The following OR10A5 variants were observed in gnomAD, a reference collection of about 807,000 sequenced individuals.
OR10A5 encodes the protein olfactory receptor family 10 subfamily A member 5.
OR10A5 carries 7 observed loss-of-function variants against 6.0 expected under a neutral mutation model. The observed-to-expected ratio is 1.17, with a 90% CI of 0.66 to 2.20. The LOEUF is 2.20. OR10A5 is among the 30% of genes most tolerant of loss of function. The pLI is 0.00. For missense variants in OR10A5, 369 were observed against 378.1 expected (o/e 0.98, Z 0.20); for synonymous variants, 149 against 148.8 (o/e 1.00, Z -0.01).
In OR10A5 at chr11:6,846,023, T is replaced by A. The variant is rs1324056793; in HGVS notation, c.341T>A (p.Phe114Tyr). ...TTCTTCTTTGGGGTAGCTGAATGCT[T>A]CCTCCTGGCTACCATGGCATATGAC... is the stretch of plus-strand genomic sequence containing the variant. ...FFFFFGVAEC[F>Y]LLATMAYDRY... is the part of the protein sequence containing the mutation. Residue 114 changes from phenylalanine (F) to tyrosine (Y), a missense_variant, in exon 1 of 1, where the codon TTC becomes TAC. Physicochemically the swap from Phe to Tyr is conservative, Grantham distance 22. Coordinates refer to ENST00000299454, the MANE Select transcript of OR10A5 (RefSeq NM_178168.1). The A allele has an allele frequency of 6.2e-7, 1 of 1,614,172 alleles. No homozygotes were observed. Among genetic ancestry groups the A allele is most frequent in the Admixed American group, 1.7e-5 (1 of 60,018 alleles).
Position 6,846,151 on chromosome 11 carries a change from G to A in OR10A5, c.469G>A (p.Ala157Thr). 6.2e-7 allele frequency: 1 copy of A among 1,614,196 alleles called. No individual in the cohort carries two copies. The highest frequency in any genetic ancestry group is 8.5e-7 in the Non-Finnish European group (1 of 1,180,030). Residue 157 changes from alanine (A) to threonine (T), a missense_variant, in exon 1 of 1, where the codon GCT (alanine) becomes ACT (threonine). Transcript: ENST00000299454. ...AASWFPGFPVATVQTTWLFSF... is the reference protein window; with the variant it reads ...AASWFPGFPVTTVQTTWLFSF... The stretch of plus-strand genomic sequence containing the variant: ...TTCCTGGTTCCCAGGCTTTCCTGTA[G>A]CTACTGTGCAGACCACATGGCTCTT...
rs780836165 is a variant in OR10A5 at position 6,845,923 on chromosome 11, A to C, written c.241A>C (p.Lys81Gln). The stretch of plus-strand genomic sequence containing the variant: ...TGGCTTCAACCTAGTCATTGTGCCC[A>C]AAATGCTGGGGACCCTGCTTGCCCA... ...EIGFNLVIVP[K>Q]MLGTLLAQDT... Residue 81 changes from lysine (K) to glutamine (Q), a missense_variant, in exon 1 of 1, where the codon AAA becomes CAA. By Grantham distance (53) the Lys-to-Gln change is moderately conservative. Coordinates refer to ENST00000299454, the MANE Select transcript of OR10A5 (RefSeq NM_178168.1). The C allele has an allele frequency of 1.9e-6, 3 of 1,614,172 alleles. No homozygotes were observed. The East Asian group carries it at 6.7e-5, about 36-fold the overall frequency.
chr11:6,846,394 G>A lies in OR10A5; in HGVS notation c.712G>A (p.Ala238Thr). 1 of 1,614,148 alleles carries A rather than the reference G, an allele frequency of 6.2e-7. No homozygotes were observed. The highest frequency in any genetic ancestry group is 1.1e-5 in the South Asian group (1 of 91,060). Residue 238 changes from alanine to threonine, a missense_variant, in exon 1 of 1, where the codon GCC becomes ACC. Coordinates refer to ENST00000299454, the MANE Select transcript of OR10A5 (RefSeq NM_178168.1). Reference protein sequence around the residue: ...KIPSAKGKHKAFSTCSSHLLV... With the variant: ...KIPSAKGKHKTFSTCSSHLLV... Reference sequence around the variant, plus strand: ...CCCATCAGCTAAAGGGAAGCATAAAGCCTTCTCTACGTGCTCCTCACACCT... The same window carrying A: ...CCCATCAGCTAAAGGGAAGCATAAAACCTTCTCTACGTGCTCCTCACACCT...
chr11:6,846,346 A>T lies in OR10A5; in HGVS notation c.664A>T (p.Ile222Phe). 6.2e-7 allele frequency: 1 copy of T among 1,614,176 alleles called. No homozygotes were observed. Among genetic ancestry groups the T allele is most frequent in the Non-Finnish European group, 8.5e-7 (1 of 1,180,026 alleles). Residue 222 changes from isoleucine to phenylalanine, a missense_variant, in exon 1 of 1, where the codon ATT becomes TTT. Physicochemically the swap from Ile to Phe is conservative, Grantham distance 21. Transcript: ENST00000299454. ...CLLILCSYTR[I>F]AAAILKIPSA... is the part of the protein sequence containing the mutation. ...GCTGATCTTGTGTTCCTATACTCGC[A>T]TTGCTGCTGCTATCCTCAAGATCCC...
rs762681750 is a variant in OR10A5 at position 6,846,567 on chromosome 11, T to C, written c.885T>C (p.Asn295=). 2.2e-5 allele frequency: 35 copies of C among 1,613,896 alleles called. No individual in the cohort carries two copies. The highest frequency in any genetic ancestry group is 1.8e-4 in the East Asian group (8 of 44,888). The change falls in exon 1 of 1, where the codon AAT becomes AAC. Residue 295 remains asparagine (N), a synonymous_variant. Coordinates refer to ENST00000299454, the MANE Select transcript of OR10A5 (RefSeq NM_178168.1). ...MLNPIIYSLR[N]SEVKNALSRT... is the part of the protein sequence containing the mutation. ...ACCCCATTATCTACAGCTTGAGAAA[T>C]AGCGAGGTGAAGAATGCCCTCAGCA...
chr11:6,846,257 A>G lies in OR10A5; in HGVS notation c.575A>G (p.Asp192Gly). Residue 192 changes from aspartate (D) to glycine (G), a missense_variant, in exon 1 of 1, where the codon GAC becomes GGC. Coordinates refer to ENST00000299454, the MANE Select transcript of OR10A5 (RefSeq NM_178168.1). ...SPPVLKLVCADTALFEIYAIV... is the reference protein window; with the variant it reads ...SPPVLKLVCAGTALFEIYAIV... ...CCTGTGCTGAAGCTGGTCTGTGCAG[A>G]CACAGCACTGTTTGAGATCTACGCC... 1 of 1,614,210 alleles carries G rather than the reference A, an allele frequency of 6.2e-7. No individual in the cohort carries two copies. Among genetic ancestry groups the G allele is most frequent in the Non-Finnish European group, 8.5e-7 (1 of 1,180,024 alleles).
In OR10A5 at chr11:6,846,197, C is replaced by A; in HGVS notation, c.515C>A (p.Thr172Asn). Residue 172 changes from threonine to asparagine, a missense_variant, in exon 1 of 1, where the codon ACC becomes AAC. By Grantham distance (65) the Thr-to-Asn change is moderately conservative. Coordinates refer to ENST00000299454, the MANE Select transcript of OR10A5 (RefSeq NM_178168.1). ...CTCTTCAGTTTTCCATTCTGTGGCACCAACAAGGTGAACCACTTCTTCTGT... is the reference window on the plus strand; with the variant it reads ...CTCTTCAGTTTTCCATTCTGTGGCAACAACAAGGTGAACCACTTCTTCTGT... Reference protein sequence around the residue: ...TWLFSFPFCGTNKVNHFFCDS... With the variant: ...TWLFSFPFCGNNKVNHFFCDS... 3 of 1,614,136 alleles carry A rather than the reference C, an allele frequency of 1.9e-6. No homozygotes were observed. The highest frequency in any genetic ancestry group is 2.5e-6 in the Non-Finnish European group (3 of 1,180,010).
In OR10A5 at chr11:6,846,525, T is replaced by C; in HGVS notation, c.843T>C (p.Val281=). 1.2e-6 allele frequency: 2 copies of C among 1,613,940 alleles called. No individual in the cohort carries two copies. The highest frequency in any genetic ancestry group is 1.7e-6 in the Non-Finnish European group (2 of 1,179,794). Residue 281 remains valine (V), a synonymous_variant, in exon 1 of 1, where the codon GTT becomes GTC. Transcript: ENST00000299454. The part of the protein sequence containing the change: ...SKKLLSLSYT[V]VTPMLNPIIY... ...AGTTGTTATCATTATCCTACACTGT[T>C]GTGACTCCCATGTTGAACCCCATTA... is the stretch of plus-strand genomic sequence containing the variant.
chr11:6,846,079 T>C lies in OR10A5; in HGVS notation c.397T>C (p.Tyr133His). 6.2e-7 allele frequency: 1 copy of C among 1,614,222 alleles called. No homozygotes were observed. The highest frequency in any genetic ancestry group is 8.5e-7 in the Non-Finnish European group (1 of 1,180,030). Residue 133 changes from tyrosine to histidine, a missense_variant, in exon 1 of 1, where the codon TAC becomes CAC. By Grantham distance (83) the Tyr-to-His change is moderately conservative (BLOSUM62 2). Transcript: ENST00000299454. ...RYVAICSPLH[Y>H]PVIMNQRTRA... ...TGTGGCCATCTGCAGTCCCTTGCAC[T>C]ACCCAGTCATCATGAACCAAAGGAC...
In OR10A5 at chr11:6,845,881, T is replaced by C. The variant is rs935140090; in HGVS notation, c.199T>C (p.Leu67=). 1 of 1,614,054 alleles carries C rather than the reference T, an allele frequency of 6.2e-7. No homozygotes were observed. The highest frequency in any genetic ancestry group is 1.3e-5 in the African/African-American group (1 of 74,926). Residue 67 remains leucine, a synonymous_variant, in exon 1 of 1, where the codon TTA becomes CTA. Coordinates refer to ENST00000299454, the MANE Select transcript of OR10A5 (RefSeq NM_178168.1). ...CCCCATGTACTTCTTCCTCAGAAAC[T>C]TATCTTTCCTGGAGATTGGCTTCAA... ...HSPMYFFLRN[L]SFLEIGFNLV...
chr11:6,846,625 T>C lies in OR10A5; in HGVS notation c.943T>C (p.Cys315Arg). Residue 315 changes from cysteine (C) to arginine (R), a missense_variant, in exon 1 of 1, where the codon TGT becomes CGT. Coordinates refer to ENST00000299454, the MANE Select transcript of OR10A5 (RefSeq NM_178168.1). ...TFHKVLALRN[C>R]IP ...CCACAAGGTCCTAGCCCTCAGAAAC[T>C]GTATCCCATAGACCTTAGGAAGTAA... The C allele has an allele frequency of 6.3e-7, 1 of 1,578,744 alleles. No homozygotes were observed. The highest frequency in any genetic ancestry group is 8.6e-7 in the Non-Finnish European group (1 of 1,158,878).
rs752769708 is a variant in OR10A5, at chr11:6,845,734, T to C, written c.52T>C (p.Ser18Pro). 6 of 1,612,620 alleles carry C rather than the reference T, an allele frequency of 3.7e-6. No individual in the cohort carries two copies. The Admixed American group carries it at 1.0e-4, about 27-fold the overall frequency. ...AAGTGAATTTATCCTCATGAGCTTC[T>C]CTTCCCTACCTACTGAAATACAGTC... ...EISEFILMSF[S>P]SLPTEIQSLL... is the part of the protein sequence containing the mutation. Residue 18 changes from serine (S) to proline (P), a missense_variant, in exon 1 of 1, where the codon TCT (serine) becomes CCT (proline). Transcript: ENST00000299454.
rs150623430 is a variant in OR10A5, at chr11:6,846,024, C to T, written c.342C>T (p.Phe114=). The part of the protein sequence containing the change: ...FFFFFGVAEC[F]LLATMAYDRY... ...TCTTCTTTGGGGTAGCTGAATGCTT[C>T]CTCCTGGCTACCATGGCATATGACC... is the stretch of plus-strand genomic sequence containing the variant. Residue 114 remains phenylalanine (F), a synonymous_variant, in exon 1 of 1, where the codon TTC becomes TTT. Transcript: ENST00000299454. 471 of 1,614,192 alleles carry T rather than the reference C, an allele frequency of 2.9e-4. 4 individuals are homozygous for T. The Middle Eastern group carries it at 0.015, about 53-fold the overall frequency.
rs780737314 is a variant in OR10A5 at position 6,845,824 on chromosome 11, C to T, written c.142C>T (p.Leu48=). The T allele has an allele frequency of 6.2e-7, 1 of 1,614,166 alleles. No homozygotes were observed. The highest frequency in any genetic ancestry group is 8.5e-7 in the Non-Finnish European group (1 of 1,180,006). The change falls in exon 1 of 1, where the codon CTG becomes TTG. Residue 48 remains leucine (L), a synonymous_variant. Coordinates refer to ENST00000299454, the MANE Select transcript of OR10A5 (RefSeq NM_178168.1). ...VTLKGNSLII[L]VTLADPMLHS... ...TCTGAAGGGAAACAGCCTCATCATTCTGGTTACCCTAGCTGACCCCATGCT... is the reference window on the plus strand; with the variant it reads ...TCTGAAGGGAAACAGCCTCATCATTTTGGTTACCCTAGCTGACCCCATGCT...
At position 6,846,561 on chromosome 11, in the gene OR10A5, G is replaced by A; in HGVS notation, c.879G>A (p.Leu293=). 4.3e-6 allele frequency: 7 copies of A among 1,614,010 alleles called. No homozygotes were observed. The highest frequency in any genetic ancestry group is 5.1e-6 in the Non-Finnish European group (6 of 1,179,926). ...TPMLNPIIYS[L]RNSEVKNALS... Reference sequence around the variant, plus strand: ...TGTTGAACCCCATTATCTACAGCTTGAGAAATAGCGAGGTGAAGAATGCCC... The same window carrying A: ...TGTTGAACCCCATTATCTACAGCTTAAGAAATAGCGAGGTGAAGAATGCCC... The change falls in exon 1 of 1, where the codon TTG becomes TTA. Residue 293 remains leucine (L), a synonymous_variant. Coordinates refer to ENST00000299454, the MANE Select transcript of OR10A5 (RefSeq NM_178168.1).
At position 6,846,033 on chromosome 11, in the gene OR10A5, T is replaced by A. The variant is rs777600663; in HGVS notation, c.351T>A (p.Ala117=). Residue 117 remains alanine, a synonymous_variant, in exon 1 of 1, where the codon GCT becomes GCA. Transcript: ENST00000299454. ...GGGTAGCTGAATGCTTCCTCCTGGC[T>A]ACCATGGCATATGACCGCTATGTGG... ...FFGVAECFLL[A]TMAYDRYVAI... 7 of 1,614,100 alleles carry A rather than the reference T, an allele frequency of 4.3e-6. No homozygotes were observed. In the East Asian group the frequency reaches 1.6e-4, roughly 36 times the overall value.
Position 6,845,814 on chromosome 11 carries a change from C to T in OR10A5, c.132C>T (p.Ser44=), listed in dbSNP as rs757827437. 3.1e-6 allele frequency: 5 copies of T among 1,613,996 alleles called. No homozygotes were observed. The highest frequency in any genetic ancestry group is 1.7e-5 in the Admixed American group (1 of 60,010). The part of the protein sequence containing the change: ...TIYLVTLKGN[S]LIILVTLADP... ...ATTTGGTTACTCTGAAGGGAAACAG[C>T]CTCATCATTCTGGTTACCCTAGCTG... is the stretch of plus-strand genomic sequence containing the variant. Residue 44 remains serine (S), a synonymous_variant, in exon 1 of 1, where the codon AGC becomes AGT. Coordinates refer to ENST00000299454, the MANE Select transcript of OR10A5 (RefSeq NM_178168.1).
rs1254218886 is a variant in OR10A5, at chr11:6,846,275, T to C, written c.593T>C (p.Ile198Thr). The C allele has an allele frequency of 1.2e-6, 2 of 1,614,212 alleles. No individual in the cohort carries two copies. Among genetic ancestry groups the C allele is most frequent in the Non-Finnish European group, 1.7e-6 (2 of 1,180,034 alleles). Residue 198 changes from isoleucine to threonine, a missense_variant, in exon 1 of 1, where the codon ATC becomes ACC. Physicochemically the swap from Ile to Thr is moderately conservative, Grantham distance 89. Transcript: ENST00000299454. Reference protein sequence around the residue: ...LVCADTALFEIYAIVGTILVV... With the variant: ...LVCADTALFETYAIVGTILVV... ...TGTGCAGACACAGCACTGTTTGAGA[T>C]CTACGCCATCGTCGGAACCATTCTG...
In OR10A5 at chr11:6,846,225, C is replaced by T. The variant is rs1590012290; in HGVS notation, c.543C>T (p.Asp181=). 6 of 1,614,220 alleles carry T rather than the reference C, an allele frequency of 3.7e-6. No individual in the cohort carries two copies. Among genetic ancestry groups the T allele is most frequent in the Non-Finnish European group, 5.1e-6 (6 of 1,180,036 alleles). The change falls in exon 1 of 1, where the codon GAC becomes GAT. Residue 181 remains aspartate (D), a synonymous_variant. Transcript: ENST00000299454. ...ACAAGGTGAACCACTTCTTCTGTGACAGCCCGCCTGTGCTGAAGCTGGTCT... is the reference window on the plus strand; with the variant it reads ...ACAAGGTGAACCACTTCTTCTGTGATAGCCCGCCTGTGCTGAAGCTGGTCT... The part of the protein sequence containing the change: ...GTNKVNHFFC[D]SPPVLKLVCA...
Sources: gnomAD v4.1 joint callset for allele counts on GRCh38, gnomAD v4.1.1 for gene constraint, MANE v1.5 for transcripts, NCBI Gene and HGNC (gene_info 2026-07-23, HGNC 2026-07-21) for gene names.